The following PTPN18 variants were observed in gnomAD, a reference collection of about 807,000 sequenced individuals.
PTPN18 encodes tyrosine-protein phosphatase non-receptor type 18.
PTPN18 carries 65 observed loss-of-function variants against 65.4 expected under a neutral mutation model. The ratio of observed to expected loss-of-function variants is 0.99; its 90% CI spans 0.81 to 1.22. PTPN18 has a LOEUF of 1.22. Among genes scored for constraint, PTPN18 ranks in the 50% most tolerant of loss-of-function variants. The pLI is 0.00. For synonymous variants in PTPN18, 255 were observed against 267.8 expected (o/e 0.95, Z 0.47); for missense variants, 616 against 646.5 (o/e 0.95, Z 0.51).
chr2:130,358,148 C>T (rs1369406647), intron 1 of PTPN18, among the ~76,000 whole-genome samples: 3 of 152,170 alleles, frequency 2.0e-5, no homozygotes, highest in African/African-American at 4.8e-5. Context: ...GGAATCACTG[C>T]GCTCTTCTAG....
intron 5 of PTPN18, among the ~76,000 whole-genome samples, chr2:130,361,008 T>C (rs1209102592): frequency 1.3e-5 from 2 of 152,216 alleles, no homozygotes; most frequent in Non-Finnish European, 2.9e-5. Flanking sequence ...ATTCATTTTC[T>C]ACTTTAATTT....
chr2:130,359,018 C>T, intron 2 of PTPN18, 43 bp downstream of exon 2: 1 of 1,590,440 alleles, frequency 6.3e-7, no homozygotes, highest in Non-Finnish European at 8.6e-7. Context: ...GCCTTGCACG[C>T]CCTGCCACGT....
intron 7 of PTPN18, 59 bp downstream of exon 7, chr2:130,369,886 C>T (rs2104948405): frequency 6.5e-7 from 1 of 1,541,570 alleles, no homozygotes; most frequent in East Asian, 2.2e-5. Flanking sequence ...GGTTTCCTCT[C>T]CTGTAAAAAT....
intron 2 of PTPN18, 74 bp downstream of exon 2, chr2:130,359,049 G>GGTGACTCC: frequency 6.6e-7 from 1 of 1,518,440 alleles, no homozygotes; most frequent in Non-Finnish European, 9.1e-7. Flanking sequence ...GTGTGCACTG[G>GGTGACTCC]AGTCACCCAC....
Position 130,369,753 on chromosome 2 carries a change from C to A in PTPN18, c.484-12C>A. On this transcript the variant is annotated splice_polypyrimidine_tract_variant and intron_variant, in intron 6 of 14. Transcript: ENST00000175756. Reference sequence around the variant, plus strand: ...CCTCCCTCTTCTTACTTGCCCCACCCCCCTTACTCAGATAAAGGAGAAGTG... The same window carrying A: ...CCTCCCTCTTCTTACTTGCCCCACCACCCTTACTCAGATAAAGGAGAAGTG... 6.3e-7 allele frequency: 1 copy of A among 1,581,434 alleles called. No individual in the cohort carries two copies. Among genetic ancestry groups the A allele is most frequent in the Non-Finnish European group, 8.7e-7 (1 of 1,150,794 alleles).
chr2:130,363,435 G>A (rs1456046306), intron 5 of PTPN18, among the ~76,000 whole-genome samples: 1 of 151,798 alleles, frequency 6.6e-6, no homozygotes, highest in African/African-American at 2.4e-5. Flanking sequence ...CACAGAGCAA[G>A]ACTGTCTCTC....
At position 130,370,949 on chromosome 2, in the gene PTPN18, C is replaced by T; in HGVS notation, c.909C>T (p.Tyr303=). 1 of 1,614,042 alleles carries T rather than the reference C, an allele frequency of 6.2e-7. No individual in the cohort carries two copies. Among genetic ancestry groups the T allele is most frequent in the Non-Finnish European group, 8.5e-7 (1 of 1,179,918 alleles). ...CSTLQNASPH[Y]QNIKENCAPL... ...CACTCCAGAATGCCAGCCCCCACTACCAGAACATCAAAGAGGTACAGAGGC... is the reference window on the plus strand; with the variant it reads ...CACTCCAGAATGCCAGCCCCCACTATCAGAACATCAAAGAGGTACAGAGGC... Residue 303 remains tyrosine (Y), a synonymous_variant, in exon 11 of 15, where the codon TAC becomes TAT. Coordinates refer to ENST00000175756, the MANE Select transcript of PTPN18 (RefSeq NM_014369.4).
chr2:130,371,200 A>G lies in PTPN18; in HGVS notation c.926A>G (p.Asn309Ser), dbSNP rs760240784. 17 of 1,604,978 alleles carry G rather than the reference A, an allele frequency of 1.1e-5. No individual in the cohort carries two copies. The highest frequency in any genetic ancestry group is 1.4e-5 in the Non-Finnish European group (17 of 1,173,750). The change falls in exon 12 of 15, where the codon AAT becomes AGT. Residue 309 changes from asparagine to serine, a missense_variant and splice_region_variant. By Grantham distance (46) the Asn-to-Ser change is conservative. Around this residue, in one of 3 missense-constraint regions of PTPN18, gnomAD observed 368 missense variants for 386.7 expected, o/e 0.95. Transcript: ENST00000175756. ...ASPHYQNIKE[N>S]CAPLYDDALF... The stretch of plus-strand genomic sequence containing the variant: ...GCCTCCCCTCCTGTTTTTCTTCAGA[A>G]TTGTGCCCCACTCTACGACGATGCC...
chr2:130,360,635 T>G (rs914926212), intron 5 of PTPN18, among the ~76,000 whole-genome samples: 1 of 152,230 alleles, frequency 6.6e-6, no homozygotes, highest in South Asian at 2.1e-4. Flanking sequence ...ATGCCTGCTT[T>G]TATGCTACAG....
intron 1 of PTPN18, among the ~76,000 whole-genome samples, chr2:130,357,275 G>A (rs1680003809): frequency 6.6e-6 from 1 of 152,178 alleles, no homozygotes; most frequent in Non-Finnish European, 1.5e-5. Context: ...CCAGCATTAG[G>A]AAGGCTCACG....
chr2:130,363,959 T>A (rs929394583), intron 5 of PTPN18, among the ~76,000 whole-genome samples: 9 of 151,942 alleles, frequency 5.9e-5, no homozygotes, highest in African/African-American at 1.2e-4. Flanking sequence ...TTTTTTTTTT[T>A]AATTATAGCC....
At chr2:130,362,649 T>C (rs1020227604) in intron 5 of PTPN18, among the ~76,000 whole-genome samples, 4 of 152,216 alleles carry the variant, frequency 2.6e-5, no homozygotes, top group Non-Finnish European at 5.9e-5. Flanking sequence ...CTATATATTA[T>C]AGTTCTATAT....
At position 130,373,415 on chromosome 2, in the gene PTPN18, G is replaced by A; in HGVS notation, c.*191G>A. On this transcript the variant is annotated 3_prime_UTR_variant, in exon 15 of 15. Transcript: ENST00000175756. The surrounding 1 kb of genome is among the most constrained non-coding windows in gnomAD (Gnocchi z 4.1). ...GCTTGAGGCTGGAGGAGGTAGCTAGGGTATAGTGGCTGGTGAGGCTGCACA... is the reference window on the plus strand; with the variant it reads ...GCTTGAGGCTGGAGGAGGTAGCTAGAGTATAGTGGCTGGTGAGGCTGCACA... 1 of 586,724 alleles carries A rather than the reference G, an allele frequency of 1.7e-6. No homozygotes were observed. Among genetic ancestry groups the A allele is most frequent in the Non-Finnish European group, 2.9e-6 (1 of 344,222 alleles). 36.3% of individuals were successfully genotyped at this position (586,724 alleles called of 1,614,324 possible). A position where few individuals can be genotyped will look rare whatever the true frequency, so the allele number is the denominator to read the frequency against.
intron 5 of PTPN18, chr2:130,368,900 C>A: frequency 2.4e-6 from 1 of 417,216 alleles, no homozygotes. Flanking sequence ...TAGTTGCTTA[C>A]AGTGGGAGGG....
In PTPN18 at chr2:130,370,094, G is replaced by A. The variant is rs142733772; in HGVS notation, c.593G>A (p.Arg198His). The change falls in exon 8 of 15, where the codon CGT becomes CAT. Residue 198 changes from arginine to histidine, a missense_variant. Arg to His is a conservative substitution (Grantham distance 29, BLOSUM62 0). Transcript: ENST00000175756. ...YQLQYMSWPDRGVPSSPDHML... is the reference protein window; with the variant it reads ...YQLQYMSWPDHGVPSSPDHML... ...CTACAGTATATGTCCTGGCCAGACC[G>A]TGGGGTCCCCAGCAGTCCTGACCAC... 2.8e-4 allele frequency: 451 copies of A among 1,614,120 alleles called. No individual in the cohort carries two copies. The highest frequency in any genetic ancestry group is 3.6e-4 in the Non-Finnish European group (424 of 1,180,020).
intron 5 of PTPN18, among the ~76,000 whole-genome samples, chr2:130,365,267 T>C (rs1428810917): frequency 1.3e-5 from 2 of 152,256 alleles, no homozygotes; most frequent in African/African-American, 4.8e-5. Context: ...GGTCTGTTGT[T>C]AACCAAAACA....
At chr2:130,357,463 T>A (rs1680018666) in intron 1 of PTPN18, among the ~76,000 whole-genome samples, 1 of 152,338 alleles carries the variant, frequency 6.6e-6, no homozygotes, top group South Asian at 2.1e-4. Context: ...ACAATAAACA[T>A]TGCATAACTG....
At chr2:130,359,889 C>G in intron 5 of PTPN18, 1 of 565,998 alleles carries the variant, frequency 1.8e-6, no homozygotes, top group Non-Finnish European at 3.2e-6. Context: ...AGGCCCTATT[C>G]TGACTGCTTC....
rs770353050 is a variant in PTPN18 at position 130,359,732 on chromosome 2, G to C, written c.414+86G>C. On this transcript the variant is annotated intron_variant, in intron 5 of 14. Coordinates refer to ENST00000175756, the MANE Select transcript of PTPN18 (RefSeq NM_014369.4). ...TAGCTCCTCCTTGACCCCAGGACCC[G>C]AGGGTCCAGCTCTTGGAGTGACCTT... 4.1e-6 allele frequency: 6 copies of C among 1,470,540 alleles called. No homozygotes were observed. The African/African-American group carries it at 7.0e-5, about 17-fold the overall frequency. 91.1% of individuals were successfully genotyped at this position (1,470,540 alleles called of 1,614,324 possible). A position where few individuals can be genotyped will look rare whatever the true frequency, so the allele number is the denominator to read the frequency against.
Sources: allele counts gnomAD v4.1 joint callset (sites outside exome capture counted in the v4.1 genomes callset), GRCh38; gene constraint gnomAD v4.1.1; regional missense constraint gnomAD v4.1.1; non-coding constraint Gnocchi (gnomAD v3.1); transcripts MANE v1.5; gene names NCBI Gene and HGNC (gene_info 2026-07-23, HGNC 2026-07-21).